SORCS1: variants seen among roughly 807,000 people sequenced by gnomAD.
SORCS1 encodes the protein sortilin related VPS10 domain containing receptor 1.
Under a neutral mutation model 146.1 loss-of-function variants are expected in SORCS1, and 60 were observed. That is an observed-to-expected ratio of 0.41 (90% CI 0.33 to 0.51). The LOEUF (loss-of-function observed/expected upper bound fraction) is 0.51. Among genes scored for constraint, SORCS1 ranks in the 20% least tolerant of loss-of-function variants. The pLI, the probability that SORCS1 is intolerant of heterozygous loss-of-function variation, is 0.21. For missense variants in SORCS1, 1,352 were observed against 1,487.6 expected, an observed-to-expected ratio of 0.91 and a Z score of 1.50; for synonymous variants, 637 against 584.0, an observed-to-expected ratio of 1.09 and a Z score of -1.31.
At chr10:106,769,145 C>T (rs1859796781) in intron 4 of SORCS1, among the ~76,000 whole-genome samples, 1 of 152,150 alleles carries the variant, frequency 6.6e-6, no homozygotes, top group African/African-American at 2.4e-5. Flanking sequence ...CCATTGAAAG[C>T]AGCCATGATA....
At chr10:107,146,047 T>C (rs1032412555) in intron 1 of SORCS1, among the ~76,000 whole-genome samples, 6 of 152,196 alleles carry the variant, frequency 3.9e-5, no homozygotes, top group South Asian at 2.1e-4. Context: ...CACAGTTTTA[T>C]TGCATCCTTA....
intron 1 of SORCS1, among the ~76,000 whole-genome samples, chr10:107,144,146 T>C (rs1016463783): frequency 6.6e-6 from 1 of 152,168 alleles, no homozygotes; most frequent in African/African-American, 2.4e-5. Flanking sequence ...TCTTTTATAT[T>C]TGCCAGAAAC....
At chr10:106,884,538 G>A (rs1307607143) in intron 2 of SORCS1, among the ~76,000 whole-genome samples, 1 of 151,986 alleles carries the variant, frequency 6.6e-6, no homozygotes, top group Non-Finnish European at 1.5e-5. Context: ...ATGTCTTGGT[G>A]ACAAATTTAG....
intron 1 of SORCS1, among the ~76,000 whole-genome samples, chr10:107,062,993 A>G (rs1449609188): frequency 1.3e-5 from 2 of 152,228 alleles, no homozygotes; most frequent in Non-Finnish European, 2.9e-5. Flanking sequence ...GAGGAAGTAG[A>G]TGACCTTTCC....
At chr10:106,938,489 G>A (rs1953866607) in intron 2 of SORCS1, among the ~76,000 whole-genome samples, 2 of 152,216 alleles carry the variant, frequency 1.3e-5, no homozygotes, top group African/African-American at 4.8e-5. Flanking sequence ...GTATAGCTAA[G>A]CTAATCAGGA....
intron 1 of SORCS1, among the ~76,000 whole-genome samples, chr10:107,093,975 G>T (rs1004365415): frequency 6.6e-6 from 1 of 152,094 alleles, no homozygotes. Flanking sequence ...AGCACACATA[G>T]CTCACTCCCA....
intron 24 of SORCS1, 65 bp downstream of exon 24, chr10:106,597,286 G>T: frequency 2.3e-6 from 3 of 1,299,226 alleles, no homozygotes; most frequent in Non-Finnish European, 3.3e-6. Context: ...TATGAGGAAG[G>T]AAGCACGGAC....
intron 20 of SORCS1, among the ~76,000 whole-genome samples, chr10:106,619,713 A>G (rs1847611063): frequency 6.6e-6 from 1 of 152,214 alleles, no homozygotes; most frequent in South Asian, 2.1e-4. Flanking sequence ...AGCAGCTGGA[A>G]GAGATCAAAG....
intron 1 of SORCS1, among the ~76,000 whole-genome samples, chr10:107,119,320 G>A (rs1228057286): frequency 6.6e-6 from 1 of 152,160 alleles, no homozygotes; most frequent in East Asian, 1.9e-4. Flanking sequence ...CAGAATGGTG[G>A]CCCTTTGTAC....
intron 5 of SORCS1, among the ~76,000 whole-genome samples, chr10:106,755,080 C>A (rs762812648): frequency 6.6e-6 from 1 of 152,234 alleles, no homozygotes; most frequent in Non-Finnish European, 1.5e-5. Context: ...ACAAACCACA[C>A]TCACCATCCT....
intron 2 of SORCS1, among the ~76,000 whole-genome samples, chr10:106,918,200 G>A (rs7070177): frequency 0.047 from 7,078 of 152,034 alleles, 509 homozygotes; most frequent in African/African-American, 0.15. Flanking sequence ...TCGCTCTGTC[G>A]CCCAGGCTGG....
At chr10:106,906,680 T>C (rs1444862804) in intron 2 of SORCS1, among the ~76,000 whole-genome samples, 1 of 152,186 alleles carries the variant, frequency 6.6e-6, no homozygotes, top group Non-Finnish European at 1.5e-5. Flanking sequence ...GGAGATACAA[T>C]TCCAGTTGGG....
rs147069650 is a variant in SORCS1 at position 107,006,945 on chromosome 10, G to A, written c.559-50365C>T. 5.7e-3 allele frequency among the ~76,000 whole-genome samples: 865 copies of A among 152,092 alleles called. 3 individuals are homozygous for A. The highest frequency in any genetic ancestry group is 0.013 in the African/African-American group (523 of 41,454). On this transcript the variant is annotated intron_variant, in intron 1 of 25. Coordinates refer to ENST00000263054, the MANE Select transcript of SORCS1 (RefSeq NM_052918.5). The stretch of plus-strand genomic sequence containing the variant: ...TAAACAAATTTACATACTCAAATGC[G>A]CTTATAGCAAATCTTAACATTCCAG...
At chr10:106,909,712 T>G (rs1952058525) in intron 2 of SORCS1, among the ~76,000 whole-genome samples, 1 of 152,248 alleles carries the variant, frequency 6.6e-6, no homozygotes, top group African/African-American at 2.4e-5. Context: ...AAATTATTTT[T>G]GGCTCCAACC....
chr10:106,793,583 G>T (rs1407249265), intron 3 of SORCS1, among the ~76,000 whole-genome samples: 1 of 152,166 alleles, frequency 6.6e-6, no homozygotes, highest in African/African-American at 2.4e-5. Flanking sequence ...GGGGCAGGAA[G>T]TTCAAGCTAA....
intron 2 of SORCS1, among the ~76,000 whole-genome samples, chr10:106,855,634 T>C (rs945773575): frequency 2.6e-5 from 4 of 152,246 alleles, no homozygotes; most frequent in African/African-American, 9.6e-5. Flanking sequence ...CAGAGATTCT[T>C]TTCTCAGCCA....
intron 1 of SORCS1, among the ~76,000 whole-genome samples, chr10:107,042,767 A>G (rs150765427): frequency 0.013 from 1,974 of 151,934 alleles, 20 homozygotes; most frequent in South Asian, 0.029. Context: ...CTGCCACCAC[A>G]CCTGACTAAT....
intron 3 of SORCS1, among the ~76,000 whole-genome samples, chr10:106,777,052 G>A (rs11193046): frequency 0.24 from 36,560 of 152,040 alleles, 4,758 homozygotes; most frequent in Non-Finnish European, 0.29. Flanking sequence ...TTCCATTTTG[G>A]GGGATTAACA....
intron 1 of SORCS1, among the ~76,000 whole-genome samples, chr10:106,971,903 T>C (rs576415762): frequency 6.6e-6 from 1 of 152,294 alleles, no homozygotes; most frequent in African/African-American, 2.4e-5. Context: ...AAATCTCTTC[T>C]TCTGTGTAAT....
Sources: gnomAD v4.1 joint callset for allele counts (sites outside exome capture counted in the v4.1 genomes callset) on GRCh38, gnomAD v4.1.1 for gene constraint, MANE v1.5 for transcripts, NCBI Gene and HGNC (gene_info 2026-07-23, HGNC 2026-07-21) for gene names.